APP: variants seen among roughly 807,000 people sequenced by gnomAD.
The protein encoded by APP is amyloid-beta precursor protein.
APP carries 31 observed loss-of-function variants against 101.4 expected under a neutral mutation model. The observed-to-expected ratio is 0.31, with a 90% CI of 0.23 to 0.41. The LOEUF is 0.41. Among genes scored for constraint, APP ranks in the 10% least tolerant of loss-of-function variants. APP has a pLI of 1.00. For missense variants in APP, 839 were observed against 1,003.7 expected (o/e 0.84, Z 2.22); for synonymous variants, 366 against 364.4 (o/e 1.00, Z -0.05).
At chr21:26,169,895 G>C (rs2063704300) in intron 1 of APP, among the ~76,000 whole-genome samples, 1 of 152,226 alleles carries the variant, frequency 6.6e-6, no homozygotes, top group South Asian at 2.1e-4. Context: ...AAAGGGAGAC[G>C]CGGACATGCA....
At chr21:25,917,323 G>A (rs1010562852) in intron 13 of APP, among the ~76,000 whole-genome samples, 12 of 151,268 alleles carry the variant, frequency 7.9e-5, no homozygotes, top group Non-Finnish European at 1.6e-4. Flanking sequence ...AGTAACAGAG[G>A]GAAGAAGCCC....
At chr21:26,073,997 G>C (rs1170355886) in intron 3 of APP, among the ~76,000 whole-genome samples, 1 of 152,110 alleles carries the variant, frequency 6.6e-6, no homozygotes, top group Non-Finnish European at 1.5e-5. Flanking sequence ...TAAAAATATA[G>C]CAACATTGGG....
At chr21:26,124,682 A>T (rs1008033810) in intron 1 of APP, among the ~76,000 whole-genome samples, 2 of 152,258 alleles carry the variant, frequency 1.3e-5, no homozygotes, top group African/African-American at 4.8e-5. Flanking sequence ...AGCTGAAAAT[A>T]CTATGAGGAA....
intron 3 of APP, among the ~76,000 whole-genome samples, chr21:26,080,749 G>A (rs1036968631): frequency 6.8e-6 from 1 of 146,590 alleles, no homozygotes; most frequent in Admixed American, 6.9e-5. Context: ...CAGCCTGGGC[G>A]ACGAAGCTAG....
chr21:25,926,253 C>G (rs2039891513), intron 13 of APP, among the ~76,000 whole-genome samples: 1 of 152,164 alleles, frequency 6.6e-6, no homozygotes, highest in Non-Finnish European at 1.5e-5. Context: ...CAGAAAAGAG[C>G]AGCTCTCCCC....
At chr21:25,992,032 C>G (rs1178562842) in intron 8 of APP, among the ~76,000 whole-genome samples, 3 of 152,132 alleles carry the variant, frequency 2.0e-5, no homozygotes, top group Non-Finnish European at 4.4e-5. Flanking sequence ...ATAGCAACAC[C>G]TTTGTTCTCT....
intron 3 of APP, among the ~76,000 whole-genome samples, chr21:26,069,624 C>A (rs1382999841): frequency 6.6e-6 from 1 of 152,206 alleles, no homozygotes; most frequent in Admixed American, 6.5e-5. Flanking sequence ...TCAATAAATA[C>A]ACAACCACCC....
intron 7 of APP, among the ~76,000 whole-genome samples, chr21:25,999,673 A>C (rs1470469771): frequency 6.6e-6 from 1 of 152,202 alleles, no homozygotes; most frequent in Non-Finnish European, 1.5e-5. Context: ...CAAACACATA[A>C]GTATGCATTT....
intron 1 of APP, chr21:26,169,317 C>G (rs2063687112): frequency 6.6e-6 from 1 of 152,296 alleles, no homozygotes; most frequent in South Asian, 2.1e-4. Flanking sequence ...TCACTCAATT[C>G]GATCCTTTTA....
At chr21:26,126,784 T>C (rs2062693290) in intron 1 of APP, among the ~76,000 whole-genome samples, 1 of 152,158 alleles carries the variant, frequency 6.6e-6, no homozygotes, top group Non-Finnish European at 1.5e-5. Flanking sequence ...CCTAAGCCTT[T>C]ACTTAGGGGG....
chr21:25,998,699 A>G (rs2242690), intron 7 of APP, among the ~76,000 whole-genome samples: 8,686 of 152,182 alleles, frequency 0.057, 805 homozygotes, highest in African/African-American at 0.2. Flanking sequence ...AAAAAGTAAT[A>G]CACAGTTATT....
chr21:25,998,124 A>C (rs1022155992), intron 7 of APP, among the ~76,000 whole-genome samples: 3 of 152,084 alleles, frequency 2.0e-5, no homozygotes, highest in African/African-American at 2.4e-5. Flanking sequence ...AAACCAAATA[A>C]ATCTCTTATT....
intron 1 of APP, among the ~76,000 whole-genome samples, chr21:26,120,600 G>A (rs1008881628): frequency 6.6e-6 from 1 of 152,154 alleles, no homozygotes; most frequent in African/African-American, 2.4e-5. Context: ...AGCTTTTAAG[G>A]AGATGGTAAT....
chr21:25,931,683 C>T (rs1175768253), intron 13 of APP, among the ~76,000 whole-genome samples: 3 of 152,058 alleles, frequency 2.0e-5, no homozygotes, highest in African/African-American at 7.2e-5. Flanking sequence ...ATTTTGGTGG[C>T]GGTATTTGGG....
intron 15 of APP, among the ~76,000 whole-genome samples, chr21:25,903,562 G>A (rs2146291325): frequency 6.6e-6 from 1 of 152,224 alleles, no homozygotes; most frequent in South Asian, 2.1e-4. Context: ...TGAAGAGCAT[G>A]TCTTTTAAAG....
chr21:26,128,810 G>T (rs2062734287), intron 1 of APP, among the ~76,000 whole-genome samples: 1 of 152,098 alleles, frequency 6.6e-6, no homozygotes, highest in African/African-American at 2.4e-5. Context: ...CACTTCCATT[G>T]TGACACATTT....
At chr21:25,969,669 G>A (rs2041936699) in intron 11 of APP, among the ~76,000 whole-genome samples, 1 of 151,494 alleles carries the variant, frequency 6.6e-6, no homozygotes. Context: ...GCGAGACCCT[G>A]TCTTTACAAA....
intron 8 of APP, among the ~76,000 whole-genome samples, chr21:25,985,855 A>C (rs2042617306): frequency 6.6e-6 from 1 of 152,080 alleles, no homozygotes; most frequent in Non-Finnish European, 1.5e-5. Context: ...AATTAGTGTG[A>C]GTGAAATTAT....
chr21:25,971,060 T>C (rs1240202145), intron 11 of APP, among the ~76,000 whole-genome samples: 1 of 152,124 alleles, frequency 6.6e-6, no homozygotes. Flanking sequence ...GTTTCTTTTT[T>C]TTTTTTGAGA....
Sources: allele counts gnomAD v4.1 joint callset (sites outside exome capture counted in the v4.1 genomes callset), GRCh38; gene constraint gnomAD v4.1.1; transcripts MANE v1.5; gene names NCBI Gene and HGNC (gene_info 2026-07-23, HGNC 2026-07-21).